The following STXBP3 variants were observed in gnomAD, a reference collection of about 807,000 sequenced individuals.
STXBP3 encodes syntaxin-binding protein 3.
In STXBP3, 41 loss-of-function variants were observed where a neutral mutation model predicts 85.7. The ratio of observed to expected loss-of-function variants is 0.48; its 90% CI spans 0.37 to 0.62. The LOEUF is 0.62. Ranked by LOEUF, STXBP3 falls within the 20% of genes least tolerant of loss-of-function variation. The probability of loss-of-function intolerance (pLI) is 0.00; values close to 1 mark genes in which losing one functional copy is unlikely to be tolerated. For missense variants in STXBP3, 563 were observed against 703.1 expected (o/e 0.80, Z 2.25); for synonymous variants, 229 against 231.7 (o/e 0.99, Z 0.10).
intron 4 of STXBP3, 166 bp downstream of exon 4, chr1:108,756,932 C>A (rs889325268): frequency 1.2e-5 from 5 of 410,684 alleles, no homozygotes; most frequent in African/African-American, 1.0e-4. Context: ...TATTTGCATT[C>A]TTCCGAATGA....
At chr1:108,752,329 T>G in intron 2 of STXBP3, 23 bp downstream of exon 2, 1 of 1,606,246 alleles carries the variant, frequency 6.2e-7, no homozygotes, top group Non-Finnish European at 8.5e-7. Flanking sequence ...TACCTTGCTC[T>G]TATAAAAAAT....
chr1:108,763,351 G>A (rs1662184652), intron 6 of STXBP3, among the ~76,000 whole-genome samples: 1 of 152,134 alleles, frequency 6.6e-6, no homozygotes, highest in Non-Finnish European at 1.5e-5. Flanking sequence ...TTTGATTAGT[G>A]TAATCATGAG....
intron 17 of STXBP3, among the ~76,000 whole-genome samples, chr1:108,805,127 C>T (rs780767776): frequency 1.3e-5 from 2 of 152,090 alleles, no homozygotes; most frequent in Non-Finnish European, 2.9e-5. Flanking sequence ...AATATAATCC[C>T]GTTACTCTAA....
intron 11 of STXBP3, among the ~76,000 whole-genome samples, chr1:108,786,402 A>C (rs754837704): frequency 1.3e-5 from 2 of 152,196 alleles, no homozygotes; most frequent in South Asian, 2.1e-4. Context: ...ATTACAATTC[A>C]AGGTGAGATT....
intron 11 of STXBP3, among the ~76,000 whole-genome samples, chr1:108,786,207 C>G (rs1244119098): frequency 6.6e-6 from 1 of 152,152 alleles, no homozygotes; most frequent in Non-Finnish European, 1.5e-5. Flanking sequence ...AACTTATAGT[C>G]ATGGTGAAAG....
At chr1:108,807,769 G>C (rs796923052) in intron 18 of STXBP3, among the ~76,000 whole-genome samples, 1 of 151,844 alleles carries the variant, frequency 6.6e-6, no homozygotes, top group Non-Finnish European at 1.5e-5. Flanking sequence ...TAGAGACAGG[G>C]TTTCACCATG....
Position 108,796,601 on chromosome 1 carries a change from A to C in STXBP3, c.1250-19A>C. On this transcript the variant is annotated intron_variant, in intron 14 of 18. Coordinates refer to ENST00000370008, the MANE Select transcript of STXBP3 (RefSeq NM_007269.4). ...GTAGCAATTGTGTGATTGTGCACTC[A>C]TATTTTTACCTATTTAAGGAACTAC... The C allele has an allele frequency of 6.2e-7, 1 of 1,605,140 alleles. No homozygotes were observed. The highest frequency in any genetic ancestry group is 8.5e-7 in the Non-Finnish European group (1 of 1,173,624).
At chr1:108,760,697 G>C (rs1484039506) in intron 6 of STXBP3, among the ~76,000 whole-genome samples, 1 of 152,080 alleles carries the variant, frequency 6.6e-6, no homozygotes, top group Non-Finnish European at 1.5e-5. Flanking sequence ...AAATCAAAGA[G>C]GTTAAGTACC....
intron 13 of STXBP3, 49 bp from the exon 14 acceptor site, chr1:108,796,185 A>G (rs1309771522): frequency 2.5e-6 from 4 of 1,586,706 alleles, no homozygotes; most frequent in Middle Eastern, 1.7e-4. Flanking sequence ...TTTTAACTAA[A>G]AAATGAATTT....
In STXBP3 at chr1:108,780,444, CCTT is replaced by C. The variant is rs1328587339; in HGVS notation, c.809+1038_809+1040del. Reference sequence around the variant, plus strand: ...TATTTTTTAAAAAGCTACTATACTCCCTTCTTTCTGAATCAAAAACATTCAGAG... The same window carrying C: ...TATTTTTTAAAAAGCTACTATACTCCCTTTCTGAATCAAAAACATTCAGAG... On this transcript the variant is annotated intron_variant, in intron 9 of 18. Transcript: ENST00000370008. The C allele has an allele frequency of 5.9e-5, 9 of 151,836 alleles. No individual in the cohort carries two copies. In the East Asian group the frequency reaches 1.7e-3, roughly 29 times the overall value. 9.4% of individuals were successfully genotyped at this position (151,836 alleles called of 1,614,324 possible).
At chr1:108,805,295 C>CTGTT (rs1211141202) in intron 17 of STXBP3, among the ~76,000 whole-genome samples, 5 of 151,920 alleles carry the variant, frequency 3.3e-5, no homozygotes, top group Admixed American at 3.3e-4. Flanking sequence ...GGTCTTGTTC[C>CTGTT]TGTTTCATCT....
intron 6 of STXBP3, chr1:108,766,890 AC>A: frequency 2.0e-6 from 1 of 504,530 alleles, no homozygotes; most frequent in East Asian, 5.2e-5. Context: ...AGAGCAGGTA[AC>A]TCTAGCACAA....
chr1:108,786,515 G>A (rs1330457508), intron 11 of STXBP3, among the ~76,000 whole-genome samples: 1 of 152,188 alleles, frequency 6.6e-6, no homozygotes, highest in African/African-American at 2.4e-5. Context: ...ATACATATCT[G>A]ATTACTCAAG....
intron 17 of STXBP3, among the ~76,000 whole-genome samples, chr1:108,802,541 A>G (rs1417836689): frequency 6.6e-6 from 1 of 152,192 alleles, no homozygotes; most frequent in Non-Finnish European, 1.5e-5. Context: ...CAGTAAAGCT[A>G]TAACTTTTAT....
chr1:108,772,356 C>T (rs1225135739), intron 6 of STXBP3, among the ~76,000 whole-genome samples: 2 of 50,848 alleles, frequency 3.9e-5, no homozygotes, highest in African/African-American at 9.0e-5. Flanking sequence ...CATATGATAT[C>T]TGTATCATAT....
chr1:108,800,346 C>G (rs369870542), intron 17 of STXBP3, 41 bp downstream of exon 17: 12 of 1,441,068 alleles, frequency 8.3e-6, no homozygotes, highest in Non-Finnish European at 1.2e-5. Flanking sequence ...TTTCATTCTA[C>G]GGACTAATAA....
At chr1:108,761,902 A>G (rs777684189) in intron 6 of STXBP3, among the ~76,000 whole-genome samples, 15 of 152,024 alleles carry the variant, frequency 9.9e-5, no homozygotes, top group Non-Finnish European at 1.5e-4. Flanking sequence ...GAACTGGGGA[A>G]GCAAAGGTTG....
At chr1:108,782,985 C>T (rs553750335) in intron 11 of STXBP3, among the ~76,000 whole-genome samples, 84 of 152,304 alleles carry the variant, frequency 5.5e-4, no homozygotes, top group Admixed American at 1.3e-3. Flanking sequence ...TCACTGCAGT[C>T]TCCGCCTCCC....
rs34972308 is a variant in STXBP3 at position 108,805,419 on chromosome 1, ATT to A, written c.1536-1960_1536-1959del. On this transcript the variant is annotated intron_variant, in intron 17 of 18. Coordinates refer to ENST00000370008, the MANE Select transcript of STXBP3 (RefSeq NM_007269.4). ...CAATCATCTGAAAGGCTAGATTCAG[ATT>A]TTTTTTTTTTTTTTTTTTTTTGAGA... is the stretch of plus-strand genomic sequence containing the variant. 2.2e-3 allele frequency among the ~76,000 whole-genome samples: 254 copies of A among 114,306 alleles called. 1 individual carries two copies. Among genetic ancestry groups the A allele is most frequent in the East Asian group, 0.011 (34 of 3,088 alleles). 75.0% of individuals were successfully genotyped at this position (114,306 alleles called of 152,430 possible). A position where few individuals can be genotyped will look rare whatever the true frequency, so the allele number is the denominator to read the frequency against.
Sources: gnomAD v4.1 joint callset for allele counts (sites outside exome capture counted in the v4.1 genomes callset) on GRCh38, gnomAD v4.1.1 for gene constraint, MANE v1.5 for transcripts, NCBI Gene and HGNC (gene_info 2026-07-23, HGNC 2026-07-21) for gene names.